PCNT: variants seen among roughly 807,000 people sequenced by gnomAD.
PCNT encodes pericentrin.
In PCNT, 319 loss-of-function variants were observed where a neutral mutation model predicts 380.4. That is an observed-to-expected ratio of 0.84 (90% CI 0.77 to 0.92). PCNT has a LOEUF of 0.92. PCNT is among the 40% of genes least tolerant of loss of function. The pLI, the probability that PCNT is intolerant of heterozygous loss-of-function variation, is 0.00. For synonymous variants in PCNT, 1,845 were observed against 1,735.2 expected (o/e 1.06, Z -1.57); for missense variants, 4,400 against 4,255.3 (o/e 1.03, Z -0.95).
rs191094191 is a variant in PCNT at position 46,374,648 on chromosome 21, G to A, written c.3166-7046G>A. ...GTGCATCACCTGAGGTTGGGAGTTC[G>A]AGACCAGCCTGACCAACACAGAGAA... On this transcript the variant is annotated intron_variant, in intron 15 of 46. Transcript: ENST00000359568. 7.2e-4 allele frequency among the ~76,000 whole-genome samples: 109 copies of A among 152,198 alleles called. 1 individual carries two copies. The highest frequency in any genetic ancestry group is 2.4e-3 in the African/African-American group (100 of 41,510).
Position 46,429,926 on chromosome 21 carries a change from C to T in PCNT, c.7691-84C>T, listed in dbSNP as rs2087679185. On this transcript the variant is annotated intron_variant, in intron 35 of 46. Transcript: ENST00000359568. ...CCCGAAGCACATACACCTCACGCCC[C>T]CACGAGTCTGTCTCTAACCTGGTGT... is the stretch of plus-strand genomic sequence containing the variant. 50 of 1,089,152 alleles carry T rather than the reference C, an allele frequency of 4.6e-5. No individual in the cohort carries two copies. The South Asian group carries it at 6.6e-4, about 14-fold the overall frequency. The allele number at this position is 1,089,152 out of a possible 1,614,324, so 67.5% of individuals were successfully genotyped here. A position where few individuals can be genotyped will look rare whatever the true frequency, so the allele number is the denominator to read the frequency against.
At chr21:46,349,597 G>C (rs1443054158) in intron 7 of PCNT, 87 bp from the exon 8 acceptor site, 2 of 1,428,264 alleles carry the variant, frequency 1.4e-6, no homozygotes, top group African/African-American at 1.4e-5. Flanking sequence ...GGGTGGCAGC[G>C]CTCTGGGTGC....
At chr21:46,398,354 T>C (rs897467701) in intron 24 of PCNT, 99 bp downstream of exon 24, 3 of 1,261,600 alleles carry the variant, frequency 2.4e-6, no homozygotes, top group African/African-American at 3.0e-5. Flanking sequence ...TTTCTTGCTC[T>C]TGTTTGGGCT....
At chr21:46,355,757 G>T (rs1255399484) in intron 12 of PCNT, 131 bp downstream of exon 12, 2 of 879,672 alleles carry the variant, frequency 2.3e-6, no homozygotes, top group Non-Finnish European at 3.7e-6. Flanking sequence ...CTTCTTCTGG[G>T]GCTGACACCT....
intron 37 of PCNT, chr21:46,430,967 C>T (rs996087303): frequency 2.0e-5 from 20 of 985,336 alleles, no homozygotes; most frequent in Middle Eastern, 5.2e-4. Context: ...AGAGCACAGC[C>T]TCAGAGGTCT....
rs2084801170 is a variant in PCNT, at chr21:46,363,798, G to T, written c.2473G>T (p.Glu825Ter). 7 of 1,613,474 alleles carry T rather than the reference G, an allele frequency of 4.3e-6. No individual in the cohort carries two copies. Among genetic ancestry groups the T allele is most frequent in the Non-Finnish European group, 5.9e-6 (7 of 1,179,604 alleles). Residue 825 changes from glutamate (E) to a stop codon, truncating the protein, a stop_gained, in exon 14 of 47, where the codon GAA becomes TAA. Transcript: ENST00000359568. LOFTEE classifies it high-confidence loss of function. Reference protein sequence around the residue: ...TEQQGRLQQLEQDLTSDDALH... With the variant: ...TEQQGRLQQL ...GCAGCAGGGCCGCCTGCAGCAGCTG[G>T]AACAGGACCTCACTTCAGACGACGC...
In PCNT at chr21:46,346,924, A is replaced by G. The variant is rs2084090447; in HGVS notation, c.902A>G (p.His301Arg). ...GCCCTGCTACAGAGCAGGCAGCAGCACGAGCTGGAGCTCCTCAGGGAGCAG... is the reference window on the plus strand; with the variant it reads ...GCCCTGCTACAGAGCAGGCAGCAGCGCGAGCTGGAGCTCCTCAGGGAGCAG... Reference protein sequence around the residue: ...ELALLQSRQQHELELLREQHA... With the variant: ...ELALLQSRQQRELELLREQHA... The change falls in exon 5 of 47, where the codon CAC (histidine) becomes CGC (arginine). Residue 301 changes from histidine (H) to arginine (R), a missense_variant. His to Arg is a conservative substitution (Grantham distance 29). Coordinates refer to ENST00000359568, the MANE Select transcript of PCNT (RefSeq NM_006031.6). The G allele has an allele frequency of 1.9e-6, 3 of 1,600,082 alleles. No individual in the cohort carries two copies. The highest frequency in any genetic ancestry group is 2.6e-6 in the Non-Finnish European group (3 of 1,174,842).
At chr21:46,429,103 G>C (rs1318358089) in intron 35 of PCNT, among the ~76,000 whole-genome samples, 3 of 152,320 alleles carry the variant, frequency 2.0e-5, no homozygotes, top group Middle Eastern at 3.4e-3. Flanking sequence ...TGGTCAGCTT[G>C]GGCAAGTGCC....
At chr21:46,380,087 G>A (rs1212535879) in intron 15 of PCNT, among the ~76,000 whole-genome samples, 2 of 151,212 alleles carry the variant, frequency 1.3e-5, no homozygotes, top group Non-Finnish European at 2.9e-5. Flanking sequence ...CTCTACTGTG[G>A]GCAGTGCGGC....
chr21:46,432,336 T>A, intron 38 of PCNT, 121 bp downstream of exon 38: 2 of 934,006 alleles, frequency 2.1e-6, no homozygotes, highest in Non-Finnish European at 3.3e-6. Flanking sequence ...TGCTCTGGTC[T>A]GTGTGCCCTG....
intron 34 of PCNT, 77 bp from the exon 35 acceptor site, chr21:46,428,318 G>A (rs2087595037): frequency 1.5e-6 from 2 of 1,361,504 alleles, no homozygotes; most frequent in Admixed American, 3.8e-5. Context: ...AGCTGGTTTT[G>A]AGGGCGGGCA....
intron 3 of PCNT, among the ~76,000 whole-genome samples, chr21:46,338,215 C>T (rs570008976): frequency 6.6e-6 from 1 of 152,208 alleles, no homozygotes; most frequent in South Asian, 2.1e-4. Context: ...CTTTGTGATG[C>T]ACAATTGTGT....
rs372687415 is a variant in PCNT, at chr21:46,436,161, G to A, written c.8996+13G>A. The A allele has an allele frequency of 1.2e-5, 20 of 1,602,930 alleles. No homozygotes were observed. The highest frequency in any genetic ancestry group is 4.4e-5 in the South Asian group (4 of 91,020). On this transcript the variant is annotated intron_variant, in intron 39 of 46. Coordinates refer to ENST00000359568, the MANE Select transcript of PCNT (RefSeq NM_006031.6). ...AGGCCGTGGACAGGTGTGCACCCACGCCACCTGGCGCTCACTGGTCCCTTG... is the reference window on the plus strand; with the variant it reads ...AGGCCGTGGACAGGTGTGCACCCACACCACCTGGCGCTCACTGGTCCCTTG...
intron 38 of PCNT, among the ~76,000 whole-genome samples, chr21:46,434,221 CTG>C (rs1211641081): frequency 6.6e-6 from 1 of 152,262 alleles, no homozygotes; most frequent in East Asian, 1.9e-4. Context: ...ATTAGTTCCT[CTG>C]TATCTTACTT....
intron 44 of PCNT, chr21:46,443,019 C>T (rs1174244942): frequency 8.6e-6 from 2 of 233,546 alleles, no homozygotes; most frequent in Non-Finnish European, 1.7e-5. Flanking sequence ...GCTGAAGGAG[C>T]CAGCCCCAGA....
At chr21:46,401,290 T>C (rs1169195904) in intron 25 of PCNT, among the ~76,000 whole-genome samples, 1 of 152,240 alleles carries the variant, frequency 6.6e-6, no homozygotes, top group Admixed American at 6.5e-5. Flanking sequence ...TTGGTGAATA[T>C]TACTGTAGAT....
intron 1 of PCNT, chr21:46,324,962 C>A: frequency 1.0e-6 from 1 of 970,538 alleles, no homozygotes; most frequent in South Asian, 4.9e-5. Flanking sequence ...CCCTTGGGCT[C>A]GCGTCCTGCC....
intron 29 of PCNT, among the ~76,000 whole-genome samples, chr21:46,415,097 G>A (rs569156009): frequency 5.3e-5 from 8 of 152,224 alleles, no homozygotes; most frequent in African/African-American, 1.4e-4. Context: ...TGTCCCGCAC[G>A]TCGCTGGGAC....
intron 3 of PCNT, among the ~76,000 whole-genome samples, chr21:46,342,350 G>A (rs561325103): frequency 6.6e-6 from 1 of 152,004 alleles, no homozygotes; most frequent in East Asian, 1.9e-4. Context: ...CAGGTGATCT[G>A]CCCCCCTCGC....
Sources: allele counts gnomAD v4.1 joint callset (sites outside exome capture counted in the v4.1 genomes callset), GRCh38; gene constraint gnomAD v4.1.1; transcripts MANE v1.5; gene names NCBI Gene and HGNC (gene_info 2026-07-23, HGNC 2026-07-21).